The following SV2C variants were observed in gnomAD, a reference collection of about 807,000 sequenced individuals.
The protein encoded by SV2C is synaptic vesicle glycoprotein 2C, also known as solute carrier family 22 member B3.
A neutral mutation model predicts 79.7 loss-of-function variants in SV2C; 49 were observed. The ratio of observed to expected loss-of-function variants is 0.61; its 90% CI spans 0.49 to 0.78. The LOEUF (loss-of-function observed/expected upper bound fraction) is 0.78, where lower values mean the gene tolerates loss of function less well. Ranked by LOEUF, SV2C falls within the 30% of genes least tolerant of loss-of-function variation. The pLI is 0.00. For synonymous variants in SV2C, 334 were observed against 333.2 expected (o/e 1.00, Z -0.03); for missense variants, 833 against 912.9 (o/e 0.91, Z 1.13).
the SV2C span, among the ~76,000 whole-genome samples, chr5:75,856,036 C>T: frequency 2.0e-5 from 3 of 152,120 alleles, no homozygotes; most frequent in Non-Finnish European, 2.9e-5. Flanking sequence ...TGAGTCTGAA[C>T]GTGTAAGTTT....
intron 4 of SV2C, among the ~76,000 whole-genome samples, chr5:76,251,359 A>G (rs1284243385): frequency 6.6e-6 from 1 of 152,014 alleles, no homozygotes; most frequent in Non-Finnish European, 1.5e-5. Context: ...TCTGGGCAAT[A>G]TGACAAGACC....
the SV2C span, among the ~76,000 whole-genome samples, chr5:76,039,031 A>G: frequency 6.6e-6 from 1 of 152,164 alleles, no homozygotes; most frequent in East Asian, 1.9e-4. Flanking sequence ...GATGCTGGCT[A>G]TTTTTTCTTT....
chr5:75,933,185 C>G, the SV2C span, among the ~76,000 whole-genome samples: 4 of 152,290 alleles, frequency 2.6e-5, no homozygotes, highest in Non-Finnish European at 4.4e-5. Context: ...CCTAACCCTA[C>G]CCCCGCATCA....
At chr5:76,352,779 A>G (rs895627208) in intron 12 of SV2C, among the ~76,000 whole-genome samples, 3 of 152,202 alleles carry the variant, frequency 2.0e-5, no homozygotes, top group African/African-American at 7.2e-5. Context: ...TACATTTTCC[A>G]CAATTTTAAT....
chr5:75,871,032 C>T, the SV2C span, among the ~76,000 whole-genome samples: 494 of 152,112 alleles, frequency 3.2e-3, 2 homozygotes, highest in Middle Eastern at 0.01. Flanking sequence ...TAGCATAATA[C>T]GAGGACAATA....
the SV2C span, among the ~76,000 whole-genome samples, chr5:76,010,282 C>G: frequency 6.6e-6 from 1 of 152,112 alleles, no homozygotes; most frequent in African/African-American, 2.4e-5. Flanking sequence ...TGGGCTCAAT[C>G]AAGCCTTCAT....
At chr5:75,849,184 G>T in the SV2C span, among the ~76,000 whole-genome samples, 3 of 152,184 alleles carry the variant, frequency 2.0e-5, no homozygotes, top group Non-Finnish European at 4.4e-5. Flanking sequence ...AGTAAGTTGG[G>T]GTGGAACTCT....
intron 2 of SV2C, among the ~76,000 whole-genome samples, chr5:76,182,005 C>T (rs1422063767): frequency 1.3e-5 from 2 of 152,156 alleles, no homozygotes; most frequent in Non-Finnish European, 2.9e-5. Flanking sequence ...ATGCCTCCTA[C>T]GTTAGACCTT....
At chr5:76,051,238 G>A in the SV2C span, among the ~76,000 whole-genome samples, 1 of 152,080 alleles carries the variant, frequency 6.6e-6, no homozygotes, top group African/African-American at 2.4e-5. Context: ...AAAAACAACA[G>A]AAAACATTTC....
intron 1 of SV2C, among the ~76,000 whole-genome samples, chr5:76,106,311 T>A (rs1249862413): frequency 6.6e-6 from 1 of 152,174 alleles, no homozygotes; most frequent in Non-Finnish European, 1.5e-5. Flanking sequence ...CCCTCCCATC[T>A]GAACTACCTG....
chr5:76,033,598 T>C, the SV2C span, among the ~76,000 whole-genome samples: 1 of 152,222 alleles, frequency 6.6e-6, no homozygotes, highest in South Asian at 2.1e-4. Flanking sequence ...TTCTGTTCCA[T>C]TGATCTATAT....
chr5:76,098,922 G>A lies in SV2C; in HGVS notation c.-102+15410G>A, dbSNP rs994378314. 5.3e-5 allele frequency among the ~76,000 whole-genome samples: 8 copies of A among 152,274 alleles called. No individual in the cohort carries two copies. The South Asian group carries it at 6.2e-4, about 12-fold the overall frequency. ...CTAGAAGTTGTGGAGGCATTGGAGCGCTGCCTAAATTGCCCACTGATGGGG... is the reference window on the plus strand; with the variant it reads ...CTAGAAGTTGTGGAGGCATTGGAGCACTGCCTAAATTGCCCACTGATGGGG... On this transcript the variant is annotated intron_variant, in intron 1 of 12. Coordinates refer to ENST00000502798, the MANE Select transcript of SV2C (RefSeq NM_014979.4).
At chr5:76,313,984 G>A (rs555459302) in intron 12 of SV2C, among the ~76,000 whole-genome samples, 10 of 152,280 alleles carry the variant, frequency 6.6e-5, no homozygotes, top group African/African-American at 2.4e-4. Context: ...GTATGCATTA[G>A]AGACAATTTA....
chr5:75,884,573 T>A, the SV2C span, among the ~76,000 whole-genome samples: 2 of 152,240 alleles, frequency 1.3e-5, no homozygotes, highest in East Asian at 1.9e-4. Context: ...ACTGGGTTGA[T>A]ACATGCTTCT....
At chr5:76,278,365 C>CCTA (rs1747085206) in intron 4 of SV2C, among the ~76,000 whole-genome samples, 1 of 152,024 alleles carries the variant, frequency 6.6e-6, no homozygotes, top group Non-Finnish European at 1.5e-5. Context: ...ATAAAACAGG[C>CCTA]CTACGTGAGT....
At chr5:76,057,686 C>T in the SV2C span, among the ~76,000 whole-genome samples, 2 of 152,006 alleles carry the variant, frequency 1.3e-5, no homozygotes, top group Non-Finnish European at 2.9e-5. Context: ...TATATCAATG[C>T]CTATTATCCA....
the SV2C span, among the ~76,000 whole-genome samples, chr5:75,980,228 C>T: frequency 3.3e-5 from 5 of 152,040 alleles, no homozygotes; most frequent in Admixed American, 6.6e-5. Context: ...TAATTAATAG[C>T]CTACCATCCA....
rs1436916895 is a variant in SV2C, at chr5:76,331,670, T to C, written c.*6123T>C. 1 of 152,294 alleles carries C rather than the reference T, an allele frequency of 6.6e-6. No individual in the cohort carries two copies. Among genetic ancestry groups the C allele is most frequent in the Non-Finnish European group, 1.5e-5 (1 of 68,108 alleles). The allele number at this position is 152,294 out of a possible 1,614,324, so 9.4% of individuals were successfully genotyped here. On this transcript the variant is annotated 3_prime_UTR_variant, in exon 13 of 13. Coordinates refer to ENST00000502798, the MANE Select transcript of SV2C (RefSeq NM_014979.4). ...CCCACTCATTTCCTTTATTTCCCTT[T>C]TGTTTTTTTTCTTTTCCTCCTCTGG... is the stretch of plus-strand genomic sequence containing the variant.
At chr5:76,037,737 A>C in the SV2C span, among the ~76,000 whole-genome samples, 1,598 of 152,306 alleles carry the variant, frequency 0.01, 24 homozygotes, top group African/African-American at 0.037. Context: ...GAGCCTACAG[A>C]GGCAGGCAGG....
Sources: allele counts gnomAD v4.1 joint callset (sites outside exome capture counted in the v4.1 genomes callset), GRCh38; gene constraint gnomAD v4.1.1; transcripts MANE v1.5; gene names NCBI Gene and HGNC (gene_info 2026-07-23, HGNC 2026-07-21).